Variants in VIRMA observed in about 807,000 individuals in gnomAD.
VIRMA encodes vir like m6A methyltransferase associated.
A neutral mutation model predicts 182.4 loss-of-function variants in VIRMA; 65 were observed. The observed-to-expected ratio is 0.36, with a 90% CI of 0.29 to 0.44. The LOEUF (loss-of-function observed/expected upper bound fraction) is 0.44, where lower values mean the gene tolerates loss of function less well. Ranked by LOEUF, VIRMA falls within the 20% of genes least tolerant of loss-of-function variation. The pLI is 1.00. For synonymous variants in VIRMA, 709 were observed against 743.1 expected (o/e 0.95, Z 0.75); for missense variants, 1,752 against 2,158.1 (o/e 0.81, Z 3.73).
intron 5 of VIRMA, 52 bp from the exon 6 acceptor site, chr8:94,531,137 C>T (rs769314288): frequency 1.5e-5 from 22 of 1,486,848 alleles, no homozygotes; most frequent in African/African-American, 1.1e-4. Context: ...AGATGACCCC[C>T]GAACAACATG....
rs1279199097 is a variant in VIRMA at position 94,529,354 on chromosome 8, A to G, written c.608-12T>C. The G allele has an allele frequency of 2.0e-6, 3 of 1,485,954 alleles. No individual in the cohort carries two copies. The highest frequency in any genetic ancestry group is 2.8e-6 in the Non-Finnish European group (3 of 1,064,476). 92.0% of individuals were successfully genotyped at this position (1,485,954 alleles called of 1,614,324 possible). On this transcript the variant is annotated splice_polypyrimidine_tract_variant and intron_variant, in intron 6 of 23. Coordinates refer to ENST00000297591, the MANE Select transcript of VIRMA (RefSeq NM_015496.5). ...CTTGTCACCAGACACTGAAAAATTGAGATTTAAGGCACAGACTATTTTAAT... is the reference window on the plus strand; with the variant it reads ...CTTGTCACCAGACACTGAAAAATTGGGATTTAAGGCACAGACTATTTTAAT...
intron 23 of VIRMA, among the ~76,000 whole-genome samples, chr8:94,489,684 A>G (rs947278433): frequency 3.9e-5 from 6 of 152,090 alleles, no homozygotes; most frequent in Non-Finnish European, 7.3e-5. Flanking sequence ...ATTGTAACAC[A>G]TTATATAATA....
chr8:94,525,554 C>T (rs914344064), intron 8 of VIRMA, among the ~76,000 whole-genome samples: 1 of 152,196 alleles, frequency 6.6e-6, no homozygotes, highest in Non-Finnish European at 1.5e-5. Flanking sequence ...CCTGGGAATG[C>T]ACTATGCTCC....
chr8:94,507,249 C>T (rs1448257625), intron 15 of VIRMA, among the ~76,000 whole-genome samples: 2 of 151,462 alleles, frequency 1.3e-5, no homozygotes, highest in Non-Finnish European at 2.9e-5. Context: ...AATTCTCCTG[C>T]CTCAGCCTCC....
rs1239939717 is a variant in VIRMA, at chr8:94,517,896, G to A, written c.2560C>T (p.Leu854Phe). 1.2e-6 allele frequency: 2 copies of A among 1,611,464 alleles called. No individual in the cohort carries two copies. Among genetic ancestry groups the A allele is most frequent in the African/African-American group, 1.3e-5 (1 of 74,866 alleles). The change falls in exon 10 of 24, where the codon CTT (leucine) becomes TTT (phenylalanine). Residue 854 changes from leucine to phenylalanine, a missense_variant. Physicochemically the swap from Leu to Phe is conservative, Grantham distance 22. Around this residue, in one of 11 missense-constraint regions of VIRMA, gnomAD observed 777 missense variants for 920.6 expected, o/e 0.84. Transcript: ENST00000297591. The part of the protein sequence containing the change: ...KSVAYNYACI[L>F]ILVVVQSSSD... ...GAAGACTGAACCACCACCAAAATAA[G>A]TATGCATGCGTAATTATAAGCTACT...
chr8:94,520,445 A>T (rs1275672430), intron 8 of VIRMA, among the ~76,000 whole-genome samples: 1 of 152,052 alleles, frequency 6.6e-6, no homozygotes, highest in Non-Finnish European at 1.5e-5. Context: ...CAGAAAGCCA[A>T]GATCATGCCA....
chr8:94,524,064 A>G (rs1224836846), intron 8 of VIRMA, among the ~76,000 whole-genome samples: 1 of 149,512 alleles, frequency 6.7e-6, no homozygotes, highest in African/African-American at 2.5e-5. Flanking sequence ...CAATGGTGAG[A>G]TCTCAGCTCA....
At chr8:94,506,420 T>G in intron 16 of VIRMA, 80 bp downstream of exon 16, 2 of 851,362 alleles carry the variant, frequency 2.3e-6, no homozygotes, top group South Asian at 3.6e-5. Flanking sequence ...ACAATAGGTA[T>G]GAATTAATGT....
rs776496785 is a variant in VIRMA at position 94,488,843 on chromosome 8, G to A, written c.5302C>T (p.Arg1768Trp). The part of the protein sequence containing the change: ...LSSTGYRPSP[R>W]DRASRGRGGL... ...CCACGACCTCTAGAAGCACGGTCCC[G>A]AGGACTTGGGCGGTAACCTGTAAAA... The change falls in exon 24 of 24, where the codon CGG becomes TGG. Residue 1768 changes from arginine (R) to tryptophan (W), a missense_variant. By Grantham distance (101) the Arg-to-Trp change is moderately radical (BLOSUM62 -3). Transcript: ENST00000297591. 6.8e-6 allele frequency: 11 copies of A among 1,613,810 alleles called. No homozygotes were observed. Among genetic ancestry groups the A allele is most frequent in the Non-Finnish European group, 9.3e-6 (11 of 1,179,918 alleles).
In VIRMA at chr8:94,517,782, C is replaced by A. The variant is rs1814611139; in HGVS notation, c.2668+6G>T. Reference sequence around the variant, plus strand: ...CAAATGCTTAAAATAACTTTAAGTACCATACCTTGCAATTTAGCATTATTT... The same window carrying A: ...CAAATGCTTAAAATAACTTTAAGTAACATACCTTGCAATTTAGCATTATTT... On this transcript the variant is annotated splice_donor_region_variant and intron_variant, in intron 10 of 23. Coordinates refer to ENST00000297591, the MANE Select transcript of VIRMA (RefSeq NM_015496.5). The A allele has an allele frequency of 6.3e-7, 1 of 1,583,528 alleles. No individual in the cohort carries two copies. The highest frequency in any genetic ancestry group is 1.1e-5 in the South Asian group (1 of 87,894).
At chr8:94,543,738 A>G in intron 2 of VIRMA, 89 bp downstream of exon 2, 4 of 746,492 alleles carry the variant, frequency 5.4e-6, no homozygotes, top group Non-Finnish European at 9.2e-6. Flanking sequence ...TATCACTTGT[A>G]AAATATTCCC....
chr8:94,488,137 T>C lies in VIRMA; in HGVS notation c.*569A>G, dbSNP rs1375425169. ...ACATTTTCAACATTAAATAGCATTATATTCCTTTCTATAACAACATATCTT... is the reference window on the plus strand; with the variant it reads ...ACATTTTCAACATTAAATAGCATTACATTCCTTTCTATAACAACATATCTT... On this transcript the variant is annotated 3_prime_UTR_variant, in exon 24 of 24. Coordinates refer to ENST00000297591, the MANE Select transcript of VIRMA (RefSeq NM_015496.5). 6.6e-6 allele frequency: 1 copy of C among 152,266 alleles called. No homozygotes were observed. Among genetic ancestry groups the C allele is most frequent in the African/African-American group, 2.4e-5 (1 of 41,468 alleles). The allele number at this position is 152,266 out of a possible 1,614,324, so 9.4% of individuals were successfully genotyped here.
intron 1 of VIRMA, among the ~76,000 whole-genome samples, chr8:94,548,542 A>C (rs1307723375): frequency 6.6e-6 from 1 of 151,308 alleles, no homozygotes; most frequent in Non-Finnish European, 1.5e-5. Context: ...CTTTCCACTC[A>C]TATACTTGTT....
At chr8:94,518,860 T>A in intron 9 of VIRMA, 125 bp downstream of exon 9, 1 of 889,892 alleles carries the variant, frequency 1.1e-6, no homozygotes, top group East Asian at 2.4e-5. Context: ...AATTAACAAG[T>A]TTTGTGTTAT....
At chr8:94,536,685 A>G (rs984932090) in intron 4 of VIRMA, among the ~76,000 whole-genome samples, 5 of 152,222 alleles carry the variant, frequency 3.3e-5, no homozygotes, top group Non-Finnish European at 7.3e-5. Flanking sequence ...ATCAGATAAG[A>G]TATGACACTC....
chr8:94,496,165 T>G (rs905488349), intron 18 of VIRMA, 163 bp downstream of exon 18: 1 of 673,388 alleles, frequency 1.5e-6, no homozygotes, highest in Non-Finnish European at 2.4e-6. Context: ...CATAACAGGA[T>G]GGAGGACTTC....
chr8:94,506,889 C>T (rs918815258), intron 15 of VIRMA, among the ~76,000 whole-genome samples, 172 bp from the exon 16 acceptor site: 2 of 151,990 alleles, frequency 1.3e-5, no homozygotes, highest in Admixed American at 1.3e-4. Context: ...TTACTTTTCC[C>T]TTTTAAAAAA....
At chr8:94,520,031 C>T (rs888338879) in intron 8 of VIRMA, among the ~76,000 whole-genome samples, 5 of 151,476 alleles carry the variant, frequency 3.3e-5, no homozygotes, top group African/African-American at 1.2e-4. Context: ...GGCAACATGG[C>T]AAAAACCTGT....
intron 14 of VIRMA, 34 bp from the exon 15 acceptor site, chr8:94,509,974 T>C (rs1051794481): frequency 8.9e-6 from 14 of 1,564,460 alleles, no homozygotes; most frequent in Non-Finnish European, 1.2e-5. Context: ...GTAAACAAAG[T>C]TCTTGACCTT....
Sources: allele counts gnomAD v4.1 joint callset (sites outside exome capture counted in the v4.1 genomes callset), GRCh38; gene constraint gnomAD v4.1.1; regional missense constraint gnomAD v4.1.1; transcripts MANE v1.5; gene names NCBI Gene and HGNC (gene_info 2026-07-23, HGNC 2026-07-21).